Variants in NFYC observed in about 807,000 individuals in gnomAD.
The protein encoded by NFYC is CAAT box DNA-binding protein subunit C.
In NFYC, 25 loss-of-function variants were observed where a neutral mutation model predicts 53.1. The ratio of observed to expected loss-of-function variants is 0.47; its 90% CI spans 0.34 to 0.66. NFYC has a LOEUF of 0.66. Ranked by LOEUF, NFYC falls within the 30% of genes least tolerant of loss-of-function variation. The probability of loss-of-function intolerance (pLI) is 0.01; values close to 1 mark genes in which losing one functional copy is unlikely to be tolerated. For synonymous variants in NFYC, 145 were observed against 152.6 expected, an observed-to-expected ratio of 0.95 and a Z score of 0.37; for missense variants, 260 against 422.7, an observed-to-expected ratio of 0.62 and a Z score of 3.38.
At chr1:40,717,495 G>A (rs553580969) in intron 1 of NFYC, among the ~76,000 whole-genome samples, 2 of 152,140 alleles carry the variant, frequency 1.3e-5, no homozygotes, top group African/African-American at 2.4e-5. Flanking sequence ...TTGGAGCACC[G>A]TATGTAATAC....
At chr1:40,729,451 T>A (rs889270260) in intron 1 of NFYC, among the ~76,000 whole-genome samples, 2 of 152,226 alleles carry the variant, frequency 1.3e-5, no homozygotes, top group Admixed American at 1.3e-4. Context: ...AATTGAGAGT[T>A]AGGGCATTGC....
chr1:40,766,572 T>C (rs201343552), intron 7 of NFYC, 24 bp from the exon 8 acceptor site: 1 of 1,573,614 alleles, frequency 6.4e-7, no homozygotes, highest in East Asian at 2.2e-5. Context: ...TCTTATGGTC[T>C]CTTTGTCTCT....
intron 1 of NFYC, among the ~76,000 whole-genome samples, chr1:40,723,026 G>A (rs1181426893): frequency 6.6e-6 from 1 of 152,208 alleles, no homozygotes; most frequent in Non-Finnish European, 1.5e-5. Context: ...TCTTGAGCAA[G>A]TAATTTGATA....
intron 1 of NFYC, chr1:40,735,683 T>C: frequency 2.0e-6 from 2 of 985,428 alleles, no homozygotes; most frequent in Non-Finnish European, 2.4e-6. Context: ...CTTTCTCCTT[T>C]GACCTTAGCA....
chr1:40,742,929 C>G (rs1288781561), intron 2 of NFYC, among the ~76,000 whole-genome samples: 1 of 152,194 alleles, frequency 6.6e-6, no homozygotes, highest in Non-Finnish European at 1.5e-5. Context: ...CTTTCCAGAA[C>G]TCAACAGTAC....
intron 1 of NFYC, among the ~76,000 whole-genome samples, chr1:40,701,460 A>G (rs763038652): frequency 3.3e-5 from 5 of 152,228 alleles, no homozygotes; most frequent in Non-Finnish European, 5.9e-5. Context: ...CCAAACAGGA[A>G]TGTAATACTT....
chr1:40,760,619 C>T (rs1435729582), intron 6 of NFYC, among the ~76,000 whole-genome samples: 1 of 151,774 alleles, frequency 6.6e-6, no homozygotes, highest in Non-Finnish European at 1.5e-5. Flanking sequence ...CCCGGGGAGG[C>T]TGAGGCAGGA....
chr1:40,770,206 C>T lies in NFYC; in HGVS notation c.889-503C>T, dbSNP rs1647018489. The T allele has an allele frequency of 3.2e-6, 2 of 626,596 alleles. No individual in the cohort carries two copies. The highest frequency in any genetic ancestry group is 5.5e-5 in the East Asian group (2 of 36,300). 38.8% of individuals were successfully genotyped at this position (626,596 alleles called of 1,614,324 possible). On this transcript the variant is annotated intron_variant, in intron 9 of 9. Transcript: ENST00000447388. This position sits in a 1 kb window ranked among gnomAD's most constrained non-coding sequence, Gnocchi z 5.3. ...TATAGTTAAGTGTTTAATACCAGGCCACCTCCTTAGCAGGGTCCATGGAGA... is the reference window on the plus strand; with the variant it reads ...TATAGTTAAGTGTTTAATACCAGGCTACCTCCTTAGCAGGGTCCATGGAGA...
intron 3 of NFYC, 98 bp from the exon 4 acceptor site, chr1:40,749,475 C>A: frequency 2.3e-6 from 2 of 886,842 alleles, no homozygotes; most frequent in Non-Finnish European, 3.8e-6. Context: ...CATTTTTTGA[C>A]CCTTGCCCCA....
At position 40,766,664 on chromosome 1, in the gene NFYC, G is replaced by T. The variant is rs1431057322; in HGVS notation, c.789G>T (p.Val263=). ...AGCCTGTATCAGGCACTCAAGTTGT[G>T]CAGGGACAGATCCAGACACTTGCCA... ...LAQPVSGTQV[V]QGQIQTLATN... is the part of the protein sequence containing the mutation. The change falls in exon 8 of 10, where the codon GTG becomes GTT. Residue 263 remains valine (V), a synonymous_variant. Coordinates refer to ENST00000447388, the MANE Select transcript of NFYC (RefSeq NM_014223.5). 1.9e-6 allele frequency: 3 copies of T among 1,614,136 alleles called. No homozygotes were observed. Among genetic ancestry groups the T allele is most frequent in the East Asian group, 4.5e-5 (2 of 44,878 alleles).
intron 6 of NFYC, among the ~76,000 whole-genome samples, chr1:40,760,652 G>A (rs1159552751): frequency 6.6e-6 from 1 of 151,944 alleles, no homozygotes; most frequent in Non-Finnish European, 1.5e-5. Context: ...CCTGGGAGGC[G>A]GATGTTGCAG....
At chr1:40,729,417 C>G (rs745780558) in intron 1 of NFYC, among the ~76,000 whole-genome samples, 30 of 152,206 alleles carry the variant, frequency 2.0e-4, no homozygotes, top group Non-Finnish European at 3.8e-4. Context: ...TCTGCAGCCC[C>G]CTCACCTCTC....
At position 40,771,502 on chromosome 1, in the gene NFYC, T is replaced by C. The variant is rs1004794311; in HGVS notation, c.*674T>C. 2.2e-6 allele frequency: 1 copy of C among 462,954 alleles called. No individual in the cohort carries two copies. Among genetic ancestry groups the C allele is most frequent in the South Asian group, 1.6e-5 (1 of 63,088 alleles). 28.7% of individuals were successfully genotyped at this position (462,954 alleles called of 1,614,324 possible). A position where few individuals can be genotyped will look rare whatever the true frequency, so the allele number is the denominator to read the frequency against. ...GGAAACTAGGACTTTGTGTGTTTGCTGCCCACCTCCCTTTTATTTTTTAAA... is the reference window on the plus strand; with the variant it reads ...GGAAACTAGGACTTTGTGTGTTTGCCGCCCACCTCCCTTTTATTTTTTAAA... On this transcript the variant is annotated 3_prime_UTR_variant, in exon 10 of 10. Coordinates refer to ENST00000447388, the MANE Select transcript of NFYC (RefSeq NM_014223.5).
intron 1 of NFYC, among the ~76,000 whole-genome samples, chr1:40,731,647 G>A (rs1410308966): frequency 1.3e-5 from 2 of 151,778 alleles, no homozygotes. Flanking sequence ...ACCACACCCA[G>A]CTAATTTTTT....
At chr1:40,733,002 A>C in intron 1 of NFYC, among the ~76,000 whole-genome samples, 1 of 135,586 alleles carries the variant, frequency 7.4e-6, no homozygotes, top group African/African-American at 2.8e-5. Context: ...AAGCTTTCCA[A>C]GATTCGCCCC....
intron 7 of NFYC, 125 bp from the exon 8 acceptor site, chr1:40,766,471 C>T: frequency 1.5e-6 from 1 of 682,368 alleles, no homozygotes. Context: ...GGACTTTTTT[C>T]AGGGCAGGCT....
intron 1 of NFYC, among the ~76,000 whole-genome samples, chr1:40,707,572 G>A (rs568595537): frequency 4.0e-4 from 60 of 151,838 alleles, no homozygotes; most frequent in Non-Finnish European, 7.7e-4. Context: ...GGGAGGCAGG[G>A]GCAGGAGAAT....
chr1:40,734,185 C>T (rs1210463632), intron 1 of NFYC, among the ~76,000 whole-genome samples: 2 of 152,134 alleles, frequency 1.3e-5, no homozygotes, highest in Non-Finnish European at 2.9e-5. Context: ...CCAGCCTCCT[C>T]TTACTTTTAA....
At chr1:40,713,276 A>C (rs934208430) in intron 1 of NFYC, among the ~76,000 whole-genome samples, 1 of 152,208 alleles carries the variant, frequency 6.6e-6, no homozygotes, top group Non-Finnish European at 1.5e-5. Flanking sequence ...ATGGTCAGTC[A>C]GCATTGGTGT....
Sources: gnomAD v4.1 joint callset for allele counts (sites outside exome capture counted in the v4.1 genomes callset) on GRCh38, gnomAD v4.1.1 for gene constraint, Gnocchi (gnomAD v3.1) non-coding constraint, MANE v1.5 for transcripts, NCBI Gene and HGNC (gene_info 2026-07-23, HGNC 2026-07-21) for gene names.